ESRRG: variants seen among roughly 807,000 people sequenced by gnomAD.
ESRRG encodes the protein estrogen related receptor gamma.
Under a neutral mutation model 44.0 loss-of-function variants are expected in ESRRG, and 13 were observed. The observed-to-expected ratio is 0.30, with a 90% confidence interval of 0.19 to 0.47. The LOEUF (loss-of-function observed/expected upper bound fraction) is 0.47, where lower values mean the gene tolerates loss of function less well. Among genes scored for constraint, ESRRG ranks in the 20% least tolerant of loss-of-function variants. The pLI is 1.00. For synonymous variants in ESRRG, 215 were observed against 214.6 expected (o/e 1.00, Z -0.02); for missense variants, 395 against 580.6 (o/e 0.68, Z 3.29).
chr1:216,982,318 G>C (rs1347800143), intron 1 of ESRRG, among the ~76,000 whole-genome samples: 2 of 152,114 alleles, frequency 1.3e-5, no homozygotes, highest in African/African-American at 4.8e-5. Flanking sequence ...TTTCTTTTTG[G>C]ATCTGAAAAG....
intron 2 of ESRRG, among the ~76,000 whole-genome samples, chr1:216,926,485 C>T (rs1006597866): frequency 1.3e-5 from 2 of 151,628 alleles, no homozygotes; most frequent in African/African-American, 4.8e-5. Flanking sequence ...TCCATGGAGT[C>T]CAAAGACCAA....
chr1:217,020,998 A>G (rs988361594), intron 1 of ESRRG, among the ~76,000 whole-genome samples: 2 of 151,412 alleles, frequency 1.3e-5, no homozygotes, highest in Non-Finnish European at 2.9e-5. Context: ...GCAAGGAAAC[A>G]CTACCCTTTC....
intron 5 of ESRRG, among the ~76,000 whole-genome samples, chr1:216,548,351 C>T (rs538961919): frequency 9.3e-4 from 141 of 152,132 alleles, no homozygotes; most frequent in African/African-American, 3.3e-3. Context: ...AATTTGAAGC[C>T]TCTTGGCTTG....
intron 5 of ESRRG, among the ~76,000 whole-genome samples, chr1:216,554,174 G>C (rs907550236): frequency 2.6e-5 from 4 of 151,944 alleles, no homozygotes; most frequent in Non-Finnish European, 5.9e-5. Context: ...ATCATTTGAG[G>C]CTGAGCGCAG....
At chr1:216,619,609 T>C (rs1419399607) in intron 3 of ESRRG, among the ~76,000 whole-genome samples, 1 of 152,222 alleles carries the variant, frequency 6.6e-6, no homozygotes, top group African/African-American at 2.4e-5. Flanking sequence ...TTCTGAAATA[T>C]ATGCAACAGT....
At chr1:217,090,897 C>T (rs986168630), upstream of ESRRG, among the ~76,000 whole-genome samples, 1 of 152,188 alleles carries the variant, frequency 6.6e-6, no homozygotes, top group African/African-American at 2.4e-5. Flanking sequence ...GGAGTGGTCT[C>T]AAGAACAATC....
intron 1 of ESRRG, among the ~76,000 whole-genome samples, chr1:217,084,286 G>A (rs927039052): frequency 2.0e-5 from 3 of 152,144 alleles, no homozygotes; most frequent in Non-Finnish European, 4.4e-5. Flanking sequence ...AGAACAGCTT[G>A]TAGATAATGT....
chr1:216,756,454 T>C (rs890934590), intron 2 of ESRRG, among the ~76,000 whole-genome samples: 44 of 152,058 alleles, frequency 2.9e-4, no homozygotes, highest in African/African-American at 1.0e-3. Context: ...TCGCCACAAC[T>C]TGGACACAAC....
intron 2 of ESRRG, among the ~76,000 whole-genome samples, chr1:216,865,963 C>G (rs1323021704): frequency 6.6e-6 from 1 of 152,132 alleles, no homozygotes; most frequent in African/African-American, 2.4e-5. Flanking sequence ...GAAAGGCCAT[C>G]CAAAAGCAGA....
intron 2 of ESRRG, among the ~76,000 whole-genome samples, chr1:216,844,317 G>T (rs1300014116): frequency 1.3e-5 from 2 of 152,088 alleles, no homozygotes; most frequent in Non-Finnish European, 1.5e-5. Flanking sequence ...TCAAAATAAG[G>T]ATTTTGACCT....
intron 2 of ESRRG, among the ~76,000 whole-genome samples, chr1:216,742,789 A>G (rs1414596847): frequency 1.3e-5 from 2 of 152,124 alleles, no homozygotes; most frequent in African/African-American, 4.8e-5. Flanking sequence ...CCAAAAGTAA[A>G]CTGTACAAGA....
chr1:216,873,363 C>A (rs1338333322), intron 2 of ESRRG, among the ~76,000 whole-genome samples: 4 of 152,050 alleles, frequency 2.6e-5, no homozygotes, highest in Non-Finnish European at 5.9e-5. Flanking sequence ...AGGCGCCAGC[C>A]AGCACACCCG....
Position 216,707,420 on chromosome 1 carries a change from C to T in ESRRG, c.56+15824G>A, listed in dbSNP as rs1480663568. ...ACTGCTCCAAGACCCCAATCACATT[C>T]TCGCCACATTCAGGATCTAAATGCA... On this transcript the variant is annotated intron_variant, in intron 1 of 6. Coordinates refer to ENST00000408911, the MANE Select transcript of ESRRG (RefSeq NM_001438.4). The T allele has an allele frequency of 2.6e-6, 4 of 1,535,808 alleles. No individual in the cohort carries two copies. In the Admixed American group the frequency reaches 5.9e-5, roughly 23 times the overall value.
At chr1:216,989,438 A>C (rs1231461902) in intron 1 of ESRRG, among the ~76,000 whole-genome samples, 2 of 151,650 alleles carry the variant, frequency 1.3e-5, no homozygotes, top group Non-Finnish European at 2.9e-5. Flanking sequence ...AAAAAAAAAA[A>C]AAAAAAAAAA....
At chr1:216,906,514 C>T (rs1256191742) in intron 2 of ESRRG, among the ~76,000 whole-genome samples, 6 of 152,182 alleles carry the variant, frequency 3.9e-5, no homozygotes, top group Non-Finnish European at 8.8e-5. Flanking sequence ...TCCCGTGCCT[C>T]ACCCTAGGGA....
intron 1 of ESRRG, among the ~76,000 whole-genome samples, chr1:216,701,012 C>T (rs1219778161): frequency 6.6e-6 from 1 of 152,036 alleles, no homozygotes; most frequent in Non-Finnish European, 1.5e-5. Context: ...TGACTCATTT[C>T]GACTTCAGAA....
At chr1:217,102,992 A>G (rs2092539698) in intron 1 of ESRRG, among the ~76,000 whole-genome samples, 1 of 152,228 alleles carries the variant, frequency 6.6e-6, no homozygotes, top group African/African-American at 2.4e-5. Context: ...GAGGGGAAAT[A>G]TGAACAAATG....
intron 1 of ESRRG, among the ~76,000 whole-genome samples, chr1:216,687,302 C>T (rs565458121): frequency 6.6e-6 from 1 of 152,108 alleles, no homozygotes; most frequent in South Asian, 2.1e-4. Context: ...AAGGGCAATT[C>T]CCTGCAATCA....
chr1:216,827,217 GA>G (rs1456625873), intron 2 of ESRRG, among the ~76,000 whole-genome samples: 1 of 152,022 alleles, frequency 6.6e-6, no homozygotes, highest in Non-Finnish European at 1.5e-5. Context: ...GTTACTAAAA[GA>G]ATTAGTTTAA....
Sources: allele counts gnomAD v4.1 joint callset (sites outside exome capture counted in the v4.1 genomes callset), GRCh38; gene constraint gnomAD v4.1.1; transcripts MANE v1.5; gene names NCBI Gene and HGNC (gene_info 2026-07-23, HGNC 2026-07-21).